ACLY: variants seen among roughly 807,000 people sequenced by gnomAD.
The protein encoded by ACLY is ATP-citrate synthase.
ACLY carries 41 observed loss-of-function variants against 133.0 expected under a neutral mutation model. The observed-to-expected ratio is 0.31, with a 90% CI of 0.24 to 0.40. The LOEUF (loss-of-function observed/expected upper bound fraction) is 0.40. Among genes scored for constraint, ACLY ranks in the 10% least tolerant of loss-of-function variants. The pLI, the probability that ACLY is intolerant of heterozygous loss-of-function variation, is 1.00. For missense variants in ACLY, 1,046 were observed against 1,453.8 expected (o/e 0.72, Z 4.56); for synonymous variants, 495 against 549.3 (o/e 0.90, Z 1.38).
intron 3 of ACLY, 29 bp downstream of exon 3, chr17:41,912,391 A>T: frequency 1.2e-6 from 2 of 1,607,898 alleles, no homozygotes; most frequent in Non-Finnish European, 1.7e-6. Context: ...GTTACCACAC[A>T]CGTTCATCCT....
chr17:41,871,045 T>C (rs1555624948), intron 25 of ACLY, among the ~76,000 whole-genome samples: 1 of 152,208 alleles, frequency 6.6e-6, no homozygotes, highest in African/African-American at 2.4e-5. Flanking sequence ...GAATGAGGTA[T>C]TATCTAGCCG....
At chr17:41,927,884 C>G (rs1255158507) in intron 1 of ACLY, among the ~76,000 whole-genome samples, 1 of 151,622 alleles carries the variant, frequency 6.6e-6, no homozygotes, top group Non-Finnish European at 1.5e-5. Context: ...CATCTGTAAG[C>G]CTGGCACTTT....
At chr17:41,905,274 C>T (rs782392062) in intron 9 of ACLY, among the ~76,000 whole-genome samples, 10 of 152,206 alleles carry the variant, frequency 6.6e-5, no homozygotes, top group Non-Finnish European at 1.3e-4. Context: ...GCCACCTCCT[C>T]CCCTGCACTT....
At chr17:41,925,324 T>C (rs1269728402) in intron 1 of ACLY, among the ~76,000 whole-genome samples, 1 of 150,904 alleles carries the variant, frequency 6.6e-6, no homozygotes, top group Non-Finnish European at 1.5e-5. Flanking sequence ...TGGCCAGGCA[T>C]GATGGTTCAT....
intron 1 of ACLY, among the ~76,000 whole-genome samples, chr17:41,914,894 A>G (rs12951230): frequency 0.15 from 23,386 of 152,160 alleles, 1,932 homozygotes; most frequent in East Asian, 0.18. Flanking sequence ...AAAGATAAAA[A>G]GAAACTCATC....
intron 16 of ACLY, among the ~76,000 whole-genome samples, chr17:41,890,559 G>A (rs2049178639): frequency 6.6e-6 from 1 of 151,350 alleles, no homozygotes; most frequent in Non-Finnish European, 1.5e-5. Context: ...ATGGTGGCAG[G>A]CGCCTGTAAT....
chr17:41,918,717 C>G (rs1429968050), intron 1 of ACLY, among the ~76,000 whole-genome samples, 163 bp downstream of exon 1: 1 of 152,180 alleles, frequency 6.6e-6, no homozygotes, highest in African/African-American at 2.4e-5. Context: ...CGGCCGGGAC[C>G]CCGGGCGAAG....
intron 13 of ACLY, 75 bp from the exon 14 acceptor site, chr17:41,896,724 AG>A: frequency 4.3e-6 from 6 of 1,380,432 alleles, no homozygotes; most frequent in Non-Finnish European, 5.9e-6. Flanking sequence ...GGGTGGGAAC[AG>A]GGAAGGGTCC....
intron 23 of ACLY, among the ~76,000 whole-genome samples, chr17:41,873,569 C>T (rs2048654802): frequency 2.0e-5 from 3 of 152,246 alleles, no homozygotes; most frequent in African/African-American, 7.2e-5. Context: ...TGCCTAACCT[C>T]TATCTTGCTG....
At chr17:41,868,651 T>G in intron 28 of ACLY, 58 bp downstream of exon 28, 1 of 1,331,002 alleles carries the variant, frequency 7.5e-7, no homozygotes, top group Non-Finnish European at 1.1e-6. Flanking sequence ...GAGTAAGTGG[T>G]GTAGCTGAAC....
In ACLY at chr17:41,869,550, T is replaced by A. The variant is rs1026333389; in HGVS notation, c.2975A>T (p.Asp992Val). The change falls in exon 26 of 29, where the codon GAT becomes GTT. Residue 992 changes from aspartate (D) to valine (V), a missense_variant. Physicochemically the swap from Asp to Val is radical, Grantham distance 152 (BLOSUM62 -3). Coordinates refer to ENST00000352035, the MANE Select transcript of ACLY (RefSeq NM_001096.3). ...GGCAGGGAAGTGCTGCCTGACGTAA[T>A]CTTTGAGGATCTGCACTCGCATGTC... The part of the protein sequence containing the change: ...NPDMRVQILK[D>V]YVRQHFPATP... The A allele has an allele frequency of 5.0e-6, 8 of 1,614,006 alleles. No homozygotes were observed. In the African/African-American group the frequency reaches 8.0e-5, roughly 16 times the overall value.
At position 41,913,697 on chromosome 17, in the gene ACLY, A is replaced by G. The variant is rs782642620; in HGVS notation, c.159+18T>C. The G allele has an allele frequency of 6.8e-6, 11 of 1,612,058 alleles. No individual in the cohort carries two copies. Among genetic ancestry groups the G allele is most frequent in the Non-Finnish European group, 9.3e-6 (11 of 1,179,136 alleles). ...CCCCGGGCCTGGAAGAAAGGCCCAA[A>G]GTGGAGGCAGGGCTCACCTGGCTGA... On this transcript the variant is annotated intron_variant, in intron 2 of 28. Transcript: ENST00000352035.
chr17:41,900,469 T>C (rs2049506288), intron 11 of ACLY, among the ~76,000 whole-genome samples: 1 of 150,344 alleles, frequency 6.7e-6, no homozygotes, highest in Admixed American at 6.6e-5. Flanking sequence ...TCTATAATCC[T>C]AGCACTTTGG....
intron 13 of ACLY, 125 bp downstream of exon 13, chr17:41,897,624 T>C: frequency 3.4e-6 from 3 of 889,246 alleles, no homozygotes; most frequent in East Asian, 2.8e-5. Flanking sequence ...TGCACTCCCA[T>C]TGCAAAACCC....
rs782628207 is a variant in ACLY at position 41,905,555 on chromosome 17, G to A, written c.970C>T (p.Leu324Phe). The A allele has an allele frequency of 6.2e-7, 1 of 1,614,218 alleles. No homozygotes were observed. The highest frequency in any genetic ancestry group is 8.5e-7 in the Non-Finnish European group (1 of 1,180,052). Reference protein sequence around the residue: ...QQTYDYAKTILSLMTREKHPD... With the variant: ...QQTYDYAKTIFSLMTREKHPD... ...TGCTTCTCTCGGGTCATGAGGGAGA[G>A]GATAGTCTTGGCATAGTCATAGGTC... The change falls in exon 9 of 29, where the codon CTC (leucine) becomes TTC (phenylalanine). Residue 324 changes from leucine to phenylalanine, a missense_variant. By Grantham distance (22) the Leu-to-Phe change is conservative (BLOSUM62 0). Transcript: ENST00000352035.
Position 41,873,879 on chromosome 17 carries a change from G to A in ACLY, c.2574C>T (p.Pro858=). The change falls in exon 23 of 29, where the codon CCC becomes CCT. Residue 858 remains proline (P), a synonymous_variant. Transcript: ENST00000352035. The part of the protein sequence containing the change: ...RGQELIYAGM[P]ITEVFKEEMG... The stretch of plus-strand genomic sequence containing the variant: ...TCTCTTCCTTGAAGACCTCAGTGAT[G>A]GGCATGCCCGCGTAGATGAGCTCCT... 2.5e-6 allele frequency: 4 copies of A among 1,609,470 alleles called. No homozygotes were observed. The highest frequency in any genetic ancestry group is 3.4e-6 in the Non-Finnish European group (4 of 1,176,894).
intron 6 of ACLY, among the ~76,000 whole-genome samples, chr17:41,908,731 T>C (rs1345393171): frequency 6.6e-6 from 1 of 152,170 alleles, no homozygotes; most frequent in Non-Finnish European, 1.5e-5. Context: ...GCCACTGTAC[T>C]CCAGCCTGGG....
chr17:41,892,194 C>T, intron 16 of ACLY, 85 bp downstream of exon 16: 1 of 1,340,148 alleles, frequency 7.5e-7, no homozygotes, highest in Non-Finnish European at 1.0e-6. Context: ...CCTGCTTCCC[C>T]ACCCTCTGTC....
At position 41,878,140 on chromosome 17, in the gene ACLY, G is replaced by C; in HGVS notation, c.2450C>G (p.Pro817Arg). The change falls in exon 22 of 29, where the codon CCG becomes CGG. Residue 817 changes from proline (P) to arginine (R), a missense_variant. By Grantham distance (103) the Pro-to-Arg change is moderately radical. Around this residue, in one of 4 missense-constraint regions of ACLY, gnomAD observed 39 missense variants for 30.8 expected, o/e 1.27. Transcript: ENST00000352035. ...NGVIVPAQEV[P>R]PPTVPMDYSW... ...GTAGTCCATGGGCACGGTTGGGGGCGGCACCTCCTGGGCAGGTACAATGAC... is the reference window on the plus strand; with the variant it reads ...GTAGTCCATGGGCACGGTTGGGGGCCGCACCTCCTGGGCAGGTACAATGAC... 1 of 1,590,638 alleles carries C rather than the reference G, an allele frequency of 6.3e-7. No homozygotes were observed. Among genetic ancestry groups the C allele is most frequent in the Non-Finnish European group, 8.6e-7 (1 of 1,168,520 alleles).
Sources: gnomAD v4.1 joint callset for allele counts (sites outside exome capture counted in the v4.1 genomes callset) on GRCh38, gnomAD v4.1.1 for gene constraint, gnomAD v4.1.1 regional missense constraint, MANE v1.5 for transcripts, NCBI Gene and HGNC (gene_info 2026-07-23, HGNC 2026-07-21) for gene names.